TNC: variants seen among roughly 807,000 people sequenced by gnomAD.
TNC encodes tenascin C.
A neutral mutation model predicts 202.4 loss-of-function variants in TNC; 109 were observed. The observed-to-expected ratio is 0.54, with a 90% CI of 0.46 to 0.63. TNC has a LOEUF of 0.63. Among genes scored for constraint, TNC ranks in the 30% least tolerant of loss-of-function variants. The pLI is 0.00. For synonymous variants in TNC, 1,007 were observed against 1,089.7 expected, an observed-to-expected ratio of 0.92 and a Z score of 1.50; for missense variants, 2,756 against 2,833.3, an observed-to-expected ratio of 0.97 and a Z score of 0.62.
At chr9:115,034,825 C>T (rs555816727) in intron 22 of TNC, among the ~76,000 whole-genome samples, 103 of 152,206 alleles carry the variant, frequency 6.8e-4, no homozygotes, top group South Asian at 1.2e-3. Flanking sequence ...CATAAGAACA[C>T]GGTGAAACAT....
Position 115,073,687 on chromosome 9 carries a change from C to G in TNC, c.3130G>C (p.Glu1044Gln), listed in dbSNP as rs748775156. 2 of 1,614,116 alleles carry G rather than the reference C, an allele frequency of 1.2e-6. No individual in the cohort carries two copies. Among genetic ancestry groups the G allele is most frequent in the East Asian group, 4.5e-5 (2 of 44,872 alleles). Residue 1044 changes from glutamate to glutamine, a missense_variant, in exon 10 of 28, where the codon GAA (glutamate) becomes CAA (glutamine). Physicochemically the swap from Glu to Gln is conservative, Grantham distance 29. Transcript: ENST00000350763. ...AGGACATTGTACTCCTGTCCTGGTT[C>G]CAGGCCTCTCAGGACATAGGAAGTG... is the stretch of plus-strand genomic sequence containing the variant. Reference protein sequence around the residue: ...NTTSYVLRGLEPGQEYNVLLT... With the variant: ...NTTSYVLRGLQPGQEYNVLLT...
intron 18 of TNC, 103 bp from the exon 19 acceptor site, chr9:115,041,187 CTTCA>C: frequency 7.8e-7 from 1 of 1,284,602 alleles, no homozygotes; most frequent in South Asian, 1.6e-5. Flanking sequence ...GAAACTATAT[CTTCA>C]TCAAACACCA....
chr9:115,097,142 G>T (rs1161015006), intron 1 of TNC, among the ~76,000 whole-genome samples: 1 of 152,006 alleles, frequency 6.6e-6, no homozygotes, highest in Non-Finnish European at 1.5e-5. Flanking sequence ...TCTGGTCTTT[G>T]GTGTAAAATA....
chr9:115,114,286 C>A (rs534795388), intron 1 of TNC, among the ~76,000 whole-genome samples: 1 of 152,346 alleles, frequency 6.6e-6, no homozygotes, highest in South Asian at 2.1e-4. Context: ...TCTGAGGCTT[C>A]CGCTGAATTT....
intron 27 of TNC, 77 bp downstream of exon 27, chr9:115,023,896 G>A: frequency 6.7e-7 from 1 of 1,497,468 alleles, no homozygotes; most frequent in Non-Finnish European, 9.2e-7. Context: ...GCTAGGATAG[G>A]GAGTTAAATT....
At chr9:115,111,220 A>G (rs1183102552) in intron 1 of TNC, among the ~76,000 whole-genome samples, 2 of 152,104 alleles carry the variant, frequency 1.3e-5, no homozygotes, top group Non-Finnish European at 1.5e-5. Flanking sequence ...AGGTGGCCCC[A>G]TTGATACTGC....
chr9:115,037,554 G>A (rs1830425933), intron 20 of TNC, among the ~76,000 whole-genome samples: 1 of 152,022 alleles, frequency 6.6e-6, no homozygotes, highest in Non-Finnish European at 1.5e-5. Context: ...TTGAGACAGA[G>A]CCTCCCTCTC....
chr9:115,089,971 G>C (rs1835093358), intron 2 of TNC, among the ~76,000 whole-genome samples: 1 of 152,224 alleles, frequency 6.6e-6, no homozygotes, highest in South Asian at 2.1e-4. Flanking sequence ...CTGTTACACA[G>C]AGGGAGCTTA....
At chr9:115,028,104 A>G (rs1829653505) in intron 25 of TNC, among the ~76,000 whole-genome samples, 1 of 152,182 alleles carries the variant, frequency 6.6e-6, no homozygotes, top group African/African-American at 2.4e-5. Flanking sequence ...ACCCTTGCTG[A>G]CATTAAGGCA....
chr9:115,031,117 A>G (rs929302616), intron 23 of TNC, among the ~76,000 whole-genome samples: 9 of 152,314 alleles, frequency 5.9e-5, no homozygotes, highest in African/African-American at 2.2e-4. Flanking sequence ...GATGAAGGAG[A>G]AAGAAAGAGA....
In TNC at chr9:115,091,179, A is replaced by G. The variant is rs918041201; in HGVS notation, c.-136-25T>C. 269 of 617,828 alleles carry G rather than the reference A, an allele frequency of 4.4e-4. 1 individual carries two copies. The highest frequency in any genetic ancestry group is 3.8e-4 in the Admixed American group (13 of 33,984). 38.3% of individuals were successfully genotyped at this position (617,828 alleles called of 1,614,324 possible). A position where few individuals can be genotyped will look rare whatever the true frequency, so the allele number is the denominator to read the frequency against. The stretch of plus-strand genomic sequence containing the variant: ...TCTACAAGCAAAGATGAACAAAAAA[A>G]TTATGAGTATCTACTATTGAATATA... On this transcript the variant is annotated intron_variant, in intron 1 of 27. Coordinates refer to ENST00000350763, the MANE Select transcript of TNC (RefSeq NM_002160.4).
intron 1 of TNC, among the ~76,000 whole-genome samples, chr9:115,102,159 A>C (rs943482110): frequency 6.6e-6 from 1 of 152,170 alleles, no homozygotes; most frequent in Non-Finnish European, 1.5e-5. Flanking sequence ...TTATGGAGTC[A>C]GGATTTGAAC....
chr9:115,072,274 C>A (rs1173411627), intron 10 of TNC, among the ~76,000 whole-genome samples: 1 of 152,196 alleles, frequency 6.6e-6, no homozygotes, highest in East Asian at 1.9e-4. Flanking sequence ...TGTATTACAG[C>A]AGCCATGTTG....
chr9:115,058,366 T>C, intron 14 of TNC, among the ~76,000 whole-genome samples: 1 of 152,214 alleles, frequency 6.6e-6, no homozygotes, highest in South Asian at 2.1e-4. Context: ...TTCCTGCCCA[T>C]AGGCCAATTC....
chr9:115,084,784 G>T (rs770479115), intron 3 of TNC, among the ~76,000 whole-genome samples: 30 of 152,186 alleles, frequency 2.0e-4, no homozygotes, highest in Middle Eastern at 3.2e-3. Context: ...GGAAAGTGCA[G>T]TCTGAGCCTC....
intron 24 of TNC, 106 bp downstream of exon 24, chr9:115,030,148 G>T: frequency 8.4e-7 from 1 of 1,188,804 alleles, no homozygotes; most frequent in Non-Finnish European, 1.2e-6. Flanking sequence ...TCACACATGG[G>T]GGTGTCAGAG....
At chr9:115,027,130 A>AT (rs1829564486) in intron 25 of TNC, among the ~76,000 whole-genome samples, 1 of 151,776 alleles carries the variant, frequency 6.6e-6, no homozygotes, top group Admixed American at 6.6e-5. Context: ...AAAAAAAAAA[A>AT]AGGGCCATAT....
rs181420882 is a variant in TNC, at chr9:115,092,205, G to A, written c.-136-1051C>T. ...AAGGAATGGTCAAGAGAAAGGTGGG[G>A]CATAGCTTATGGGAAAGGGAGGGTA... On this transcript the variant is annotated intron_variant, in intron 1 of 27. Coordinates refer to ENST00000350763, the MANE Select transcript of TNC (RefSeq NM_002160.4). 2.0e-3 allele frequency among the ~76,000 whole-genome samples: 298 copies of A among 152,308 alleles called. 4 individuals are homozygous for A. Among genetic ancestry groups the A allele is most frequent in the African/African-American group, 5.6e-3 (234 of 41,564 alleles).
At position 115,020,598 on chromosome 9, in the gene TNC, G is replaced by A; in HGVS notation, c.*559C>T. On this transcript the variant is annotated 3_prime_UTR_variant, in exon 28 of 28. Transcript: ENST00000350763. ...TCAGGTACTGTCCAGAAATGTTTTG[G>A]AAAGAAAGATCTCTTGAAAAATCCT... The A allele has an allele frequency of 2.9e-6, 1 of 343,272 alleles. No homozygotes were observed. The highest frequency in any genetic ancestry group is 5.7e-6 in the Non-Finnish European group (1 of 175,468). 21.3% of individuals were successfully genotyped at this position (343,272 alleles called of 1,614,324 possible).
Sources: gnomAD v4.1 joint callset for allele counts (sites outside exome capture counted in the v4.1 genomes callset) on GRCh38, gnomAD v4.1.1 for gene constraint, MANE v1.5 for transcripts, NCBI Gene and HGNC (gene_info 2026-07-23, HGNC 2026-07-21) for gene names.